Variants in TRAPPC8 observed in about 807,000 individuals in gnomAD.
The protein encoded by TRAPPC8 is trafficking protein particle complex subunit 8, also known as general sporulation gene 1 homolog.
TRAPPC8 carries 54 observed loss-of-function variants against 174.3 expected under a neutral mutation model. The observed-to-expected ratio is 0.31, with a 90% confidence interval of 0.25 to 0.39. The LOEUF (loss-of-function observed/expected upper bound fraction) is 0.39. Ranked by LOEUF, TRAPPC8 falls within the 10% of genes least tolerant of loss-of-function variation. The pLI is 1.00. For synonymous variants in TRAPPC8, 630 were observed against 579.9 expected (o/e 1.09, Z -1.24); for missense variants, 1,531 against 1,699.1 (o/e 0.90, Z 1.74).
chr18:31,940,585 G>A (rs1035415388), intron 1 of TRAPPC8, among the ~76,000 whole-genome samples: 9 of 152,098 alleles, frequency 5.9e-5, no homozygotes, highest in Non-Finnish European at 1.3e-4. Flanking sequence ...GTCTCACTGT[G>A]CCTCCCGGGT....
At chr18:31,876,507 A>AAAAAAAAAAAAAAAAAAAAAAAAAAAC (rs2035159701) in intron 12 of TRAPPC8, among the ~76,000 whole-genome samples, 1 of 147,556 alleles carries the variant, frequency 6.8e-6, no homozygotes, top group Non-Finnish European at 1.5e-5. Context: ...AAAAAAAAAA[A>AAAAAAAAAAAAAAAAAAAAAAAAAAAC]AAAAAGATCA....
At chr18:31,874,256 A>G in intron 13 of TRAPPC8, 1 of 498,800 alleles carries the variant, frequency 2.0e-6, no homozygotes, top group Non-Finnish European at 3.5e-6. Context: ...AAGAACAGCC[A>G]CAAATCAAGT....
chr18:31,852,353 G>T, intron 24 of TRAPPC8, 93 bp downstream of exon 24: 1 of 1,437,336 alleles, frequency 7.0e-7, no homozygotes, highest in Non-Finnish European at 9.6e-7. Context: ...AAAAAAAAGC[G>T]TTTGGGAATT....
At chr18:31,889,534 T>C (rs1285662933) in intron 12 of TRAPPC8, among the ~76,000 whole-genome samples, 1 of 152,226 alleles carries the variant, frequency 6.6e-6, no homozygotes, top group Non-Finnish European at 1.5e-5. Flanking sequence ...AGAAACCTTT[T>C]AACCAGAGAT....
At chr18:31,919,996 C>A (rs1458415685) in intron 2 of TRAPPC8, among the ~76,000 whole-genome samples, 1 of 152,106 alleles carries the variant, frequency 6.6e-6, no homozygotes, top group Non-Finnish European at 1.5e-5. Flanking sequence ...TCACCCACCA[C>A]GAACACCTAC....
At chr18:31,838,460 T>C (rs1446301599) in intron 27 of TRAPPC8, among the ~76,000 whole-genome samples, 1 of 152,178 alleles carries the variant, frequency 6.6e-6, no homozygotes, top group Non-Finnish European at 1.5e-5. Flanking sequence ...ATCTCATCAT[T>C]TTCTTCAAGA....
chr18:31,857,837 G>A lies in TRAPPC8; in HGVS notation c.2891C>T (p.Thr964Ile), dbSNP rs1006323985. 14 of 1,614,056 alleles carry A rather than the reference G, an allele frequency of 8.7e-6. No individual in the cohort carries two copies. Among genetic ancestry groups the A allele is most frequent in the Non-Finnish European group, 1.2e-5 (14 of 1,180,044 alleles). Residue 964 changes from threonine (T) to isoleucine (I), a missense_variant, in exon 20 of 29, where the codon ACT becomes ATT. Transcript: ENST00000283351. Reference sequence around the variant, plus strand: ...GGGACTTAGTGGTGTTAGAACAGCAGTATTACCACCGAAAGTAAAGAACTC... The same window carrying A: ...GGGACTTAGTGGTGTTAGAACAGCAATATTACCACCGAAAGTAAAGAACTC... ...RPEFFTFGGN[T>I]AVLTPLSPSA...
At position 31,921,538 on chromosome 18, in the gene TRAPPC8, C is replaced by T. The variant is rs537254608; in HGVS notation, c.353-3871G>A. Among the ~76,000 whole-genome samples, 163 of 151,164 alleles carry T rather than the reference C, an allele frequency of 1.1e-3. 2 individuals carry two copies. Among genetic ancestry groups the T allele is most frequent in the African/African-American group, 3.8e-3 (158 of 41,112 alleles). ...GGCTGAGGCAAGAGAATCACTTGAA[C>T]TCGGGAGGTGGAGGTTGCAGTGAGC... On this transcript the variant is annotated intron_variant, in intron 2 of 28. Transcript: ENST00000283351.
chr18:31,899,965 T>C (rs1409268351), intron 10 of TRAPPC8, among the ~76,000 whole-genome samples: 26 of 151,568 alleles, frequency 1.7e-4, no homozygotes, highest in Admixed American at 1.7e-3. Flanking sequence ...GGGCTGGGCA[T>C]GGTGGCTCAT....
intron 2 of TRAPPC8, among the ~76,000 whole-genome samples, chr18:31,921,313 G>GT (rs1356517448): frequency 2.6e-5 from 4 of 152,010 alleles, no homozygotes; most frequent in African/African-American, 9.7e-5. Flanking sequence ...ACCAAGTGCT[G>GT]TGAATAAAGA....
intron 19 of TRAPPC8, 66 bp downstream of exon 19, chr18:31,864,561 T>G (rs1288866964): frequency 1.4e-5 from 21 of 1,513,406 alleles, no homozygotes; most frequent in Non-Finnish European, 1.7e-5. Context: ...AGCCTAAAAT[T>G]AATTTACTCA....
intron 11 of TRAPPC8, among the ~76,000 whole-genome samples, chr18:31,894,855 T>C (rs572034397): frequency 6.6e-6 from 1 of 152,182 alleles, no homozygotes; most frequent in African/African-American, 2.4e-5. Flanking sequence ...TAGAAACTGA[T>C]TTTTCATATT....
chr18:31,870,313 C>T, intron 16 of TRAPPC8, 59 bp downstream of exon 16: 1 of 1,491,236 alleles, frequency 6.7e-7, no homozygotes, highest in Non-Finnish European at 9.1e-7. Context: ...TGAAATGTTA[C>T]TACAGCATTT....
chr18:31,884,908 C>T (rs1302423364), intron 12 of TRAPPC8, among the ~76,000 whole-genome samples: 2 of 149,764 alleles, frequency 1.3e-5, no homozygotes, highest in Non-Finnish European at 3.0e-5. Flanking sequence ...GGCTGGAGTG[C>T]AGTGGCGCGA....
chr18:31,930,385 G>A (rs1046208791), intron 2 of TRAPPC8, among the ~76,000 whole-genome samples: 1 of 152,086 alleles, frequency 6.6e-6, no homozygotes, highest in African/African-American at 2.4e-5. Context: ...CTCCCAAAGT[G>A]CTGGGATTAC....
chr18:31,907,371 T>A (rs1418058196), intron 9 of TRAPPC8, 89 bp downstream of exon 9: 1 of 1,301,644 alleles, frequency 7.7e-7, no homozygotes. Flanking sequence ...TACAACTTTA[T>A]CCCTAAGGAT....
At chr18:31,926,093 T>C (rs1041721680) in intron 2 of TRAPPC8, among the ~76,000 whole-genome samples, 4 of 152,136 alleles carry the variant, frequency 2.6e-5, no homozygotes, top group Non-Finnish European at 4.4e-5. Context: ...CGACATAAAA[T>C]TGAACACCAT....
At position 31,855,784 on chromosome 18, in the gene TRAPPC8, G is replaced by C. The variant is rs2145088993; in HGVS notation, c.3212C>G (p.Ala1071Gly). The stretch of plus-strand genomic sequence containing the variant: ...TAAAGACCGACTGGTACAAATAATT[G>C]CAGTGTGTCTTAATATTCTGTGCCT... ...KIRHRILRHT[A>G]IICTSRSLNV... The change falls in exon 21 of 29, where the codon GCA (alanine) becomes GGA (glycine). Residue 1071 changes from alanine to glycine, a missense_variant. Transcript: ENST00000283351. 1 of 1,595,824 alleles carries C rather than the reference G, an allele frequency of 6.3e-7. No homozygotes were observed. Among genetic ancestry groups the C allele is most frequent in the Non-Finnish European group, 8.5e-7 (1 of 1,175,944 alleles).
At chr18:31,832,313 T>A in intron 27 of TRAPPC8, 140 bp from the exon 28 acceptor site, 1 of 342,432 alleles carries the variant, frequency 2.9e-6, no homozygotes, top group Non-Finnish European at 5.1e-6. Context: ...AAGCTCAAGT[T>A]CCAAAATCAC....
Sources: gnomAD v4.1 joint callset for allele counts (sites outside exome capture counted in the v4.1 genomes callset) on GRCh38, gnomAD v4.1.1 for gene constraint, MANE v1.5 for transcripts, NCBI Gene and HGNC (gene_info 2026-07-23, HGNC 2026-07-21) for gene names.